TSPAN9: variants seen among roughly 807,000 people sequenced by gnomAD.
The protein encoded by TSPAN9 is tetraspanin 9.
TSPAN9 carries 16 observed loss-of-function variants against 31.0 expected under a neutral mutation model. The observed-to-expected ratio is 0.52, with a 90% CI of 0.35 to 0.78. TSPAN9 has a LOEUF of 0.78. Ranked by LOEUF, TSPAN9 falls within the 30% of genes least tolerant of loss-of-function variation. The pLI is 0.01. For synonymous variants in TSPAN9, 145 were observed against 121.6 expected, an observed-to-expected ratio of 1.19 and a Z score of -1.27; for missense variants, 272 against 312.5, an observed-to-expected ratio of 0.87 and a Z score of 0.98.
intron 2 of TSPAN9, among the ~76,000 whole-genome samples, chr12:3,174,856 A>C (rs1308620332): frequency 2.0e-5 from 3 of 152,122 alleles, no homozygotes; most frequent in Non-Finnish European, 4.4e-5. Flanking sequence ...TGCTGGGATT[A>C]CAGGCGTGAG....
intron 3 of TSPAN9, among the ~76,000 whole-genome samples, 184 bp from the exon 4 acceptor site, chr12:3,278,237 G>C (rs1371056356): frequency 1.3e-5 from 2 of 152,184 alleles, no homozygotes; most frequent in African/African-American, 4.8e-5. Flanking sequence ...GAGAGGCTAG[G>C]GGACTGTCTG....
At chr12:3,276,537 A>G (rs1862791952) in intron 3 of TSPAN9, among the ~76,000 whole-genome samples, 1 of 152,012 alleles carries the variant, frequency 6.6e-6, no homozygotes, top group South Asian at 2.1e-4. Context: ...CTTCCCCCAG[A>G]TAGTTATGTT....
chr12:3,117,066 G>C (rs1338053612), intron 2 of TSPAN9, among the ~76,000 whole-genome samples: 1 of 152,178 alleles, frequency 6.6e-6, no homozygotes, highest in Non-Finnish European at 1.5e-5. Flanking sequence ...CTTTAGGAAA[G>C]GAAGTAGTCG....
chr12:3,260,340 T>C (rs183825582), intron 3 of TSPAN9, among the ~76,000 whole-genome samples: 103 of 152,364 alleles, frequency 6.8e-4, no homozygotes, highest in African/African-American at 2.4e-3. Context: ...GGGATGCAGG[T>C]TTGTTCCCAG....
intron 2 of TSPAN9, among the ~76,000 whole-genome samples, chr12:3,108,998 C>T (rs765182979): frequency 8.6e-5 from 13 of 151,720 alleles, no homozygotes; most frequent in East Asian, 5.9e-4. Context: ...TGCAGTGGCG[C>T]GATCTCCGCT....
chr12:3,077,387 TGGC>T lies in TSPAN9; in HGVS notation c.-133_-131del, dbSNP rs376243638. ...GGCAGGCCCCGCCCCCTGTTTCCGC[TGGC>T]GGCGGCGGCGGCGGCGGTGCCGGAG... On this transcript the variant is annotated 5_prime_UTR_variant, in exon 1 of 9. Coordinates refer to ENST00000011898, the MANE Select transcript of TSPAN9 (RefSeq NM_006675.5). 0.61 allele frequency: 91,488 copies of T among 149,472 alleles called. 29,733 individuals are homozygous for T. The highest frequency in any genetic ancestry group is 0.71 in the Non-Finnish European group (47,586 of 66,972). The allele number at this position is 149,472 out of a possible 1,614,324, so 9.3% of individuals were successfully genotyped here. A position where few individuals can be genotyped will look rare whatever the true frequency, so the allele number is the denominator to read the frequency against.
chr12:3,106,815 T>G (rs953598164), intron 2 of TSPAN9, among the ~76,000 whole-genome samples: 2 of 152,150 alleles, frequency 1.3e-5, no homozygotes, highest in Non-Finnish European at 2.9e-5. Context: ...TGCCCCTCCC[T>G]AGGCTTCCTG....
At chr12:3,234,985 C>A (rs1190811195) in intron 3 of TSPAN9, among the ~76,000 whole-genome samples, 9 of 147,946 alleles carry the variant, frequency 6.1e-5, no homozygotes, top group African/African-American at 2.2e-4. Flanking sequence ...ACGGTGAAAC[C>A]CCATCTCTAC....
intron 2 of TSPAN9, among the ~76,000 whole-genome samples, chr12:3,099,149 C>T (rs963913628): frequency 1.3e-5 from 2 of 152,136 alleles, no homozygotes; most frequent in Non-Finnish European, 2.9e-5. Context: ...TCCTTTCTTT[C>T]TGGTACCCCA....
At chr12:3,087,596 G>A (rs2098301207) in intron 2 of TSPAN9, among the ~76,000 whole-genome samples, 3 of 152,038 alleles carry the variant, frequency 2.0e-5, no homozygotes, top group Non-Finnish European at 4.4e-5. Context: ...TCATGAGGTC[G>A]AGAGTTCGAG....
chr12:3,105,837 TACAC>T (rs1403606606), intron 2 of TSPAN9, among the ~76,000 whole-genome samples: 1 of 111,266 alleles, frequency 9.0e-6, no homozygotes, highest in Non-Finnish European at 2.1e-5. Context: ...CACACTTTCA[TACAC>T]ACGCTCACAC....
chr12:3,260,337 A>G (rs1388026276), intron 3 of TSPAN9, among the ~76,000 whole-genome samples: 1 of 152,222 alleles, frequency 6.6e-6, no homozygotes, highest in Admixed American at 6.5e-5. Flanking sequence ...GTGGGGATGC[A>G]GGTTTGTTCC....
chr12:3,269,743 T>A (rs1862636130), intron 3 of TSPAN9, among the ~76,000 whole-genome samples: 2 of 152,224 alleles, frequency 1.3e-5, no homozygotes, highest in Non-Finnish European at 2.9e-5. Context: ...GGTAGGAGCT[T>A]GGGATTGCTG....
At chr12:3,232,061 G>GT (rs1423108129) in intron 3 of TSPAN9, among the ~76,000 whole-genome samples, 1 of 152,228 alleles carries the variant, frequency 6.6e-6, no homozygotes, top group Non-Finnish European at 1.5e-5. Flanking sequence ...CTTCTGTCTG[G>GT]TTAGGAACTG....
intron 2 of TSPAN9, among the ~76,000 whole-genome samples, chr12:3,109,041 T>C (rs1434738432): frequency 1.3e-5 from 2 of 152,022 alleles, no homozygotes; most frequent in African/African-American, 2.4e-5. Context: ...GTTTACACCA[T>C]TCTCCTGTCT....
intron 8 of TSPAN9, 111 bp downstream of exon 8, chr12:3,281,928 T>TC (rs1365431053): frequency 2.5e-6 from 3 of 1,187,150 alleles, no homozygotes; most frequent in Non-Finnish European, 3.7e-6. Context: ...GGTCTGGAAT[T>TC]CATCACAGCT....
chr12:3,091,633 C>T (rs1258406071), intron 2 of TSPAN9, among the ~76,000 whole-genome samples: 1 of 152,246 alleles, frequency 6.6e-6, no homozygotes, highest in East Asian at 1.9e-4. Context: ...TGCCTGTCAA[C>T]TGCTGGGTGG....
chr12:3,104,685 G>A (rs2098313428), intron 2 of TSPAN9, among the ~76,000 whole-genome samples: 1 of 152,118 alleles, frequency 6.6e-6, no homozygotes, highest in African/African-American at 2.4e-5. Context: ...AGTGCTTATC[G>A]TGTGCCTGGC....
intron 2 of TSPAN9, among the ~76,000 whole-genome samples, chr12:3,135,386 A>C (rs7980328): frequency 0.43 from 64,862 of 151,874 alleles, 14,236 homozygotes; most frequent in Admixed American, 0.53. Context: ...GTGCCCGGCC[A>C]CCACGTTTTT....
Sources: gnomAD v4.1 joint callset for allele counts (sites outside exome capture counted in the v4.1 genomes callset) on GRCh38, gnomAD v4.1.1 for gene constraint, MANE v1.5 for transcripts, NCBI Gene and HGNC (gene_info 2026-07-23, HGNC 2026-07-21) for gene names.